The following NSFL1C variants were observed in gnomAD, a reference collection of about 807,000 sequenced individuals.
NSFL1C encodes NSFL1 cofactor.
Under a neutral mutation model 43.1 loss-of-function variants are expected in NSFL1C, and 14 were observed. The observed-to-expected ratio is 0.32, with a 90% CI of 0.21 to 0.51. The LOEUF (loss-of-function observed/expected upper bound fraction) is 0.51. NSFL1C is among the 20% of genes least tolerant of loss of function. The pLI is 0.98. For missense variants in NSFL1C, 406 were observed against 472.5 expected (o/e 0.86, Z 1.30); for synonymous variants, 171 against 183.5 (o/e 0.93, Z 0.55).
intron 7 of NSFL1C, among the ~76,000 whole-genome samples, chr20:1,448,711 C>T (rs576472546): frequency 6.6e-6 from 1 of 152,272 alleles, no homozygotes; most frequent in African/African-American, 2.4e-5. Context: ...AACCCACAGG[C>T]TTAACCCCCA....
intron 4 of NSFL1C, 57 bp downstream of exon 4, chr20:1,454,910 C>T: frequency 6.4e-7 from 1 of 1,556,328 alleles, no homozygotes. Flanking sequence ...AAGAAGGTGG[C>T]ATTCCCAGTT....
chr20:1,449,848 C>T (rs577436584), intron 7 of NSFL1C, among the ~76,000 whole-genome samples: 5 of 152,244 alleles, frequency 3.3e-5, no homozygotes, highest in African/African-American at 4.8e-5. Context: ...ACAGAAGGCA[C>T]GGGAGCAGCT....
chr20:1,453,551 C>T (rs1193981610), intron 5 of NSFL1C, among the ~76,000 whole-genome samples: 1 of 152,222 alleles, frequency 6.6e-6, no homozygotes, highest in Non-Finnish European at 1.5e-5. Context: ...CTGTTCACAA[C>T]AACTCCCACA....
chr20:1,463,103 G>A (rs1296581887), intron 2 of NSFL1C, among the ~76,000 whole-genome samples: 1 of 152,168 alleles, frequency 6.6e-6, no homozygotes, highest in Non-Finnish European at 1.5e-5. Context: ...TTGAACCAAC[G>A]CAGTCAGGCT....
chr20:1,447,375 T>C (rs1185811845), intron 7 of NSFL1C, among the ~76,000 whole-genome samples: 4 of 152,132 alleles, frequency 2.6e-5, no homozygotes, highest in African/African-American at 9.7e-5. Flanking sequence ...CCCAGGACAG[T>C]TTTGAATGCA....
intron 5 of NSFL1C, among the ~76,000 whole-genome samples, chr20:1,453,374 C>T (rs2090224731): frequency 6.6e-6 from 1 of 152,150 alleles, no homozygotes; most frequent in Non-Finnish European, 1.5e-5. Flanking sequence ...TTTAGGACAC[C>T]TGAGGTTGCA....
chr20:1,452,228 TG>T (rs1166391477), intron 7 of NSFL1C, among the ~76,000 whole-genome samples: 1 of 152,236 alleles, frequency 6.6e-6, no homozygotes, highest in Non-Finnish European at 1.5e-5. Flanking sequence ...CTAGGAGGTA[TG>T]GACTCTTATT....
intron 7 of NSFL1C, 67 bp downstream of exon 7, chr20:1,452,426 C>A (rs1005652665): frequency 8.2e-6 from 13 of 1,578,458 alleles, no homozygotes; most frequent in Non-Finnish European, 1.1e-5. Flanking sequence ...GTGAGTGATA[C>A]ACAGGGTCTG....
At position 1,444,175 on chromosome 20, in the gene NSFL1C, C is replaced by A. The variant is rs2090008850; in HGVS notation, c.951-264G>T. Among the ~76,000 whole-genome samples, 3 of 152,230 alleles carry A rather than the reference C, an allele frequency of 2.0e-5. No individual in the cohort carries two copies. The South Asian group carries it at 6.2e-4, about 32-fold the overall frequency. ...CCACCCTCTTTCCCCTCGTTCTCTT[C>A]TGCCCGCTTCTAGTTCATCAGGCCA... is the stretch of plus-strand genomic sequence containing the variant. On this transcript the variant is annotated intron_variant, in intron 8 of 8. Coordinates refer to ENST00000216879, the MANE Select transcript of NSFL1C (RefSeq NM_016143.5).
chr20:1,457,561 T>G (rs2122915259), intron 3 of NSFL1C, among the ~76,000 whole-genome samples: 1 of 152,326 alleles, frequency 6.6e-6, no homozygotes, highest in Non-Finnish European at 1.5e-5. Flanking sequence ...TCCTCCTGTC[T>G]TAAGATTTTA....
At chr20:1,451,281 G>A (rs1055754816) in intron 7 of NSFL1C, among the ~76,000 whole-genome samples, 6 of 152,176 alleles carry the variant, frequency 3.9e-5, no homozygotes, top group African/African-American at 1.4e-4. Flanking sequence ...CTCCTGATGA[G>A]GCATGAATGG....
intron 1 of NSFL1C, among the ~76,000 whole-genome samples, chr20:1,466,123 T>C (rs1315944899): frequency 6.6e-6 from 1 of 152,222 alleles, no homozygotes; most frequent in African/African-American, 2.4e-5. Context: ...CTCGTGAAGC[T>C]TAAGTCTTCT....
At chr20:1,464,023 GT>G in intron 2 of NSFL1C, 1 of 335,450 alleles carries the variant, frequency 3.0e-6, no homozygotes, top group Non-Finnish European at 5.4e-6. Flanking sequence ...TTGAAAGGAA[GT>G]TTTTTGGCTT....
chr20:1,466,721 T>C lies in NSFL1C; in HGVS notation c.104A>G (p.Gln35Arg). ...FFLESAGWDL[Q>R]IALASFYEDG... Reference sequence around the variant, plus strand: ...ACACAGCCCGCCGCGCGGCGCTACCTGCAAGTCCCAGCCGGCCGACTCGAG... The same window carrying C: ...ACACAGCCCGCCGCGCGGCGCTACCCGCAAGTCCCAGCCGGCCGACTCGAG... The change falls in exon 1 of 9, where the codon CAG (glutamine) becomes CGG (arginine). Residue 35 changes from glutamine to arginine, a missense_variant and splice_region_variant. Coordinates refer to ENST00000216879, the MANE Select transcript of NSFL1C (RefSeq NM_016143.5). The C allele has an allele frequency of 6.5e-7, 1 of 1,548,536 alleles. No individual in the cohort carries two copies. The highest frequency in any genetic ancestry group is 8.7e-7 in the Non-Finnish European group (1 of 1,150,878).
chr20:1,448,339 A>G (rs1258022393), intron 7 of NSFL1C, among the ~76,000 whole-genome samples: 2 of 152,186 alleles, frequency 1.3e-5, no homozygotes, highest in African/African-American at 2.4e-5. Flanking sequence ...GCAAGTCACA[A>G]CTTCCCAGGG....
At chr20:1,449,771 AC>A (rs1456318883) in intron 7 of NSFL1C, among the ~76,000 whole-genome samples, 3 of 152,178 alleles carry the variant, frequency 2.0e-5, no homozygotes, top group Non-Finnish European at 4.4e-5. Context: ...ATAAACTGGC[AC>A]TAGGTACTTT....
intron 7 of NSFL1C, among the ~76,000 whole-genome samples, chr20:1,449,263 G>A (rs1424055747): frequency 6.6e-6 from 1 of 152,156 alleles, no homozygotes; most frequent in East Asian, 1.9e-4. Flanking sequence ...CATTCTTCAA[G>A]GTCCTGCCCC....
At chr20:1,445,124 C>T (rs1021624013) in intron 8 of NSFL1C, among the ~76,000 whole-genome samples, 8 of 152,186 alleles carry the variant, frequency 5.3e-5, no homozygotes, top group Non-Finnish European at 1.0e-4. Flanking sequence ...GCTCAGTTTC[C>T]CCATCTTTAA....
At chr20:1,459,384 T>C (rs2090366884) in intron 2 of NSFL1C, among the ~76,000 whole-genome samples, 1 of 152,214 alleles carries the variant, frequency 6.6e-6, no homozygotes, top group Non-Finnish European at 1.5e-5. Flanking sequence ...TCTACCATGA[T>C]TGTAAGTTTC....
Sources: gnomAD v4.1 joint callset for allele counts (sites outside exome capture counted in the v4.1 genomes callset) on GRCh38, gnomAD v4.1.1 for gene constraint, MANE v1.5 for transcripts, NCBI Gene and HGNC (gene_info 2026-07-23, HGNC 2026-07-21) for gene names.